C5orf47: variants seen among roughly 807,000 people sequenced by gnomAD.
C5orf47 encodes uncharacterized protein C5orf47.
A neutral mutation model predicts 20.6 loss-of-function variants in C5orf47; 20 were observed. The observed-to-expected ratio is 0.97, with a 90% CI of 0.68 to 1.41. C5orf47 has a LOEUF of 1.41. Ranked by LOEUF, C5orf47 falls within the 40% of genes most tolerant of loss-of-function variation. C5orf47 has a pLI of 0.00. For missense variants in C5orf47, 262 were observed against 238.4 expected (o/e 1.10, Z -0.65); for synonymous variants, 106 against 97.3 (o/e 1.09, Z -0.53).
At chr5:174,001,691 T>TA (rs1759199105) in intron 4 of C5orf47, among the ~76,000 whole-genome samples, 1 of 152,082 alleles carries the variant, frequency 6.6e-6, no homozygotes, top group South Asian at 2.1e-4. Flanking sequence ...CTGCCTCACT[T>TA]ACCATATTTA....
rs780516892 is a variant in C5orf47, at chr5:173,989,303, C to T, written c.40C>T (p.Arg14Cys). ...CCGGGGTCGGGAGCAGGACTCGGCG[C>T]GCTTCGTCTATGTGACGCGCTTCGG... ...AGRGREQDSA[R>C]FVYVTRFGSH... The change falls in exon 1 of 5, where the codon CGC becomes TGC. Residue 14 changes from arginine to cysteine, a missense_variant. Coordinates refer to ENST00000340147, the MANE Select transcript of C5orf47 (RefSeq NM_001144954.2). 3.6e-4 allele frequency: 507 copies of T among 1,403,792 alleles called. 1 individual carries two copies. The highest frequency in any genetic ancestry group is 4.5e-4 in the Non-Finnish European group (480 of 1,073,642). The allele number at this position is 1,403,792 out of a possible 1,614,324, so 87.0% of individuals were successfully genotyped here. A position where few individuals can be genotyped will look rare whatever the true frequency, so the allele number is the denominator to read the frequency against.
rs752443029 is a variant in C5orf47 at position 173,999,705 on chromosome 5, A to G, written c.417A>G (p.Leu139=). The G allele has an allele frequency of 2.1e-5, 30 of 1,418,460 alleles. No individual in the cohort carries two copies. In the South Asian group the frequency reaches 3.5e-4, roughly 17 times the overall value. The allele number at this position is 1,418,460 out of a possible 1,614,324, so 87.9% of individuals were successfully genotyped here. ...ACTGTGCTTATCTTTTTAAGGTTTT[A>G]GTATGGAATAGAGTATACAAAGTCA... ...SKIMKKKKKV[L]VWNRVYKVIS... is the part of the protein sequence containing the mutation. The change falls in exon 3 of 5, where the codon TTA becomes TTG. Residue 139 remains leucine, a synonymous_variant. Coordinates refer to ENST00000340147, the MANE Select transcript of C5orf47 (RefSeq NM_001144954.2).
chr5:173,995,864 C>T (rs894066256), intron 1 of C5orf47, among the ~76,000 whole-genome samples: 1 of 152,162 alleles, frequency 6.6e-6, no homozygotes, highest in Non-Finnish European at 1.5e-5. Context: ...AGGTGCACTT[C>T]TGGAAGATAA....
At chr5:173,997,445 C>G (rs995327160) in intron 1 of C5orf47, among the ~76,000 whole-genome samples, 1 of 152,152 alleles carries the variant, frequency 6.6e-6, no homozygotes, top group Non-Finnish European at 1.5e-5. Context: ...TCAGGAAGCC[C>G]GTTCACTCTG....
At chr5:174,002,769 A>G (rs1398536349) in intron 4 of C5orf47, among the ~76,000 whole-genome samples, 1 of 152,080 alleles carries the variant, frequency 6.6e-6, no homozygotes, top group Non-Finnish European at 1.5e-5. Context: ...TTTAATAGGA[A>G]TTTTTAAAAA....
intron 1 of C5orf47, among the ~76,000 whole-genome samples, chr5:173,991,969 A>G (rs1004349975): frequency 7.2e-5 from 11 of 152,228 alleles, no homozygotes; most frequent in East Asian, 1.9e-4. Flanking sequence ...AACCTTCTCT[A>G]TGTTTTCTAT....
chr5:173,997,794 G>A (rs1759124557), intron 1 of C5orf47, among the ~76,000 whole-genome samples: 1 of 152,148 alleles, frequency 6.6e-6, no homozygotes, highest in African/African-American at 2.4e-5. Context: ...GAAGTGTAAT[G>A]TCTGTCTGGA....
At chr5:173,991,952 C>G (rs996330237) in intron 1 of C5orf47, among the ~76,000 whole-genome samples, 2 of 152,034 alleles carry the variant, frequency 1.3e-5, no homozygotes, top group African/African-American at 4.8e-5. Flanking sequence ...AGGGATAATT[C>G]CTTAATAACC....
chr5:173,989,344 T>A lies in C5orf47; in HGVS notation c.81T>A (p.Ser27Arg), dbSNP rs943081071. Residue 27 changes from serine (S) to arginine (R), a missense_variant, in exon 1 of 5, where the codon AGT becomes AGA. Coordinates refer to ENST00000340147, the MANE Select transcript of C5orf47 (RefSeq NM_001144954.2). ...CGCGCTTCGGCTCGCATCAGTGCAG[T>A]GGCGTCCTGCAACTGGGCGGCCGTG... ...YVTRFGSHQC[S>R]GVLQLGGRGA... 3.5e-5 allele frequency: 52 copies of A among 1,499,586 alleles called. No individual in the cohort carries two copies. The highest frequency in any genetic ancestry group is 1.7e-4 in the Middle Eastern group (1 of 5,764). The allele number at this position is 1,499,586 out of a possible 1,614,324, so 92.9% of individuals were successfully genotyped here.
intron 1 of C5orf47, 137 bp downstream of exon 1, chr5:173,989,725 C>T: frequency 2.5e-6 from 2 of 785,714 alleles, no homozygotes; most frequent in Non-Finnish European, 1.8e-6. Flanking sequence ...CGAGCACGCG[C>T]AGGGGCGAAG....
rs1230230981 is a variant in C5orf47, at chr5:173,989,186, C to G, written c.-78C>G. ...TCTGGCCCTAACCGCTCCCGCATCC[C>G]TCGCCTGCACAGTGGGCAGTCTGGC... On this transcript the variant is annotated 5_prime_UTR_variant, in exon 1 of 5. Coordinates refer to ENST00000340147, the MANE Select transcript of C5orf47 (RefSeq NM_001144954.2). 1.6e-6 allele frequency: 2 copies of G among 1,283,256 alleles called. No individual in the cohort carries two copies. The highest frequency in any genetic ancestry group is 7.9e-5 in the Admixed American group (2 of 25,258). 79.5% of individuals were successfully genotyped at this position (1,283,256 alleles called of 1,614,324 possible).
At position 173,989,243 on chromosome 5, in the gene C5orf47, CTG is replaced by C; in HGVS notation, c.-20_-19del. The C allele has an allele frequency of 7.3e-7, 1 of 1,373,420 alleles. No homozygotes were observed. The highest frequency in any genetic ancestry group is 1.5e-5 in the African/African-American group (1 of 65,632). 85.1% of individuals were successfully genotyped at this position (1,373,420 alleles called of 1,614,324 possible). A position where few individuals can be genotyped will look rare whatever the true frequency, so the allele number is the denominator to read the frequency against. On this transcript the variant is annotated 5_prime_UTR_variant, in exon 1 of 5. Coordinates refer to ENST00000340147, the MANE Select transcript of C5orf47 (RefSeq NM_001144954.2). Reference sequence around the variant, plus strand: ...GGCGTCGTGTTTGCTGAGGGCCCGGCTGCCGTTGACTGAGGCTGCGATGGCGG... The same window carrying C: ...GGCGTCGTGTTTGCTGAGGGCCCGGCCCGTTGACTGAGGCTGCGATGGCGG...
chr5:174,006,370 T>C (rs1241443590), downstream of C5orf47, among the ~76,000 whole-genome samples: 1 of 152,208 alleles, frequency 6.6e-6, no homozygotes, highest in Non-Finnish European at 1.5e-5. Context: ...TCTAGTGGTT[T>C]TAATGAAAAA....
intron 1 of C5orf47, among the ~76,000 whole-genome samples, 193 bp downstream of exon 1, chr5:173,989,781 G>A (rs185170604): frequency 2.0e-5 from 3 of 152,306 alleles, no homozygotes; most frequent in Non-Finnish European, 4.4e-5. Flanking sequence ...TGGCCGGCAC[G>A]GGCACCTGAC....
chr5:174,000,429 G>A (rs1025127890), intron 3 of C5orf47, among the ~76,000 whole-genome samples: 11 of 152,088 alleles, frequency 7.2e-5, no homozygotes, highest in African/African-American at 2.4e-4. Flanking sequence ...TAAAATTTAT[G>A]TAACTAATAA....
chr5:174,007,658 A>C (rs1449204319), downstream of C5orf47, among the ~76,000 whole-genome samples: 4 of 151,280 alleles, frequency 2.6e-5, no homozygotes, highest in Non-Finnish European at 2.9e-5. Flanking sequence ...CCTAGGTTCA[A>C]GTGATTCTCC....
chr5:173,995,174 AATTT>A (rs1007502193), intron 1 of C5orf47, among the ~76,000 whole-genome samples: 1 of 152,204 alleles, frequency 6.6e-6, no homozygotes, highest in Admixed American at 6.5e-5. Flanking sequence ...GAAAAAGATG[AATTT>A]ATTCATTCAG....
chr5:174,008,789 C>T (rs1294963119), downstream of C5orf47, among the ~76,000 whole-genome samples: 10 of 146,892 alleles, frequency 6.8e-5, no homozygotes, highest in East Asian at 2.0e-4. Flanking sequence ...GCCAAGATCG[C>T]GCCACTGCAC....
chr5:173,990,125 A>ATT (rs11292600), intron 1 of C5orf47, among the ~76,000 whole-genome samples: 3,799 of 138,160 alleles, frequency 0.027, 92 homozygotes, highest in Middle Eastern at 0.053. Flanking sequence ...TAGGAAGCCA[A>ATT]TTTTTTTTTT....
Sources: gnomAD v4.1 joint callset for allele counts (sites outside exome capture counted in the v4.1 genomes callset) on GRCh38, gnomAD v4.1.1 for gene constraint, MANE v1.5 for transcripts, NCBI Gene and HGNC (gene_info 2026-07-23, HGNC 2026-07-21) for gene names.